Variants in PCDHGB2 observed in about 807,000 individuals in gnomAD.
PCDHGB2 encodes the protein protocadherin gamma-B2.
In PCDHGB2, 55 loss-of-function variants were observed where a neutral mutation model predicts 59.3. That is an observed-to-expected ratio of 0.93 (90% CI 0.75 to 1.16). The LOEUF is 1.16. Among genes scored for constraint, PCDHGB2 ranks in the 50% most tolerant of loss-of-function variants. The pLI is 0.00. For missense variants in PCDHGB2, 1,228 were observed against 1,198.5 expected (o/e 1.02, Z -0.36); for synonymous variants, 516 against 512.0 (o/e 1.01, Z -0.11).
At chr5:141,488,389 A>G (rs1322717951) in intron 1 of PCDHGB2, among the ~76,000 whole-genome samples, 1 of 152,224 alleles carries the variant, frequency 6.6e-6, no homozygotes, top group East Asian at 1.9e-4. Context: ...GAATTTGGTG[A>G]AACCATGAAA....
intron 1 of PCDHGB2, among the ~76,000 whole-genome samples, chr5:141,468,273 C>T (rs894110332): frequency 1.4e-5 from 2 of 144,550 alleles, no homozygotes; most frequent in Non-Finnish European, 3.0e-5. Flanking sequence ...TGTGGTGAGC[C>T]GAGACCACGC....
intron 1 of PCDHGB2, chr5:141,413,353 C>A (rs2095629361): frequency 6.2e-7 from 1 of 1,613,962 alleles, no homozygotes; most frequent in East Asian, 2.2e-5. Context: ...GGGTCTGGCG[C>A]CCCGGGAGCT....
Position 141,422,740 on chromosome 5 carries a change from T to C in PCDHGB2, c.2421+60184T>C, listed in dbSNP as rs536737009. The C allele has an allele frequency of 2.7e-5, 43 of 1,609,962 alleles. 1 individual carries two copies. In the South Asian group the frequency reaches 4.8e-4, roughly 18 times the overall value. On this transcript the variant is annotated intron_variant, in intron 1 of 3. Transcript: ENST00000522605. ...TGTCCAGGGGGTGCCTCTGTCCTCC[T>C]ATGTCTCTATTAACTCCAACACTGG... is the stretch of plus-strand genomic sequence containing the variant.
intron 2 of PCDHGB2, among the ~76,000 whole-genome samples, chr5:141,498,789 C>T (rs1302940884): frequency 6.6e-6 from 1 of 151,980 alleles, no homozygotes; most frequent in Non-Finnish European, 1.5e-5. Context: ...AAATATTAGC[C>T]AGGTGTGGTG....
In PCDHGB2 at chr5:141,495,640, G is replaced by A. The variant is rs149177775; in HGVS notation, c.2480+775G>A. 1.2e-3 allele frequency among the ~76,000 whole-genome samples: 177 copies of A among 152,150 alleles called. 1 individual carries two copies. The highest frequency in any genetic ancestry group is 4.1e-3 in the African/African-American group (171 of 41,498). ...ACCTCAGCCTCAGTCCCTTTCATTT[G>A]TCTACTTGCATTGATCTGTGCCGCC... On this transcript the variant is annotated intron_variant, in intron 2 of 3. Transcript: ENST00000522605.
intron 1 of PCDHGB2, among the ~76,000 whole-genome samples, chr5:141,470,152 T>C (rs546219809): frequency 2.6e-5 from 4 of 152,308 alleles, no homozygotes; most frequent in African/African-American, 9.6e-5. Context: ...ATAGATCATC[T>C]TATCAAATCA....
At chr5:141,472,668 C>T (rs2099292239) in intron 1 of PCDHGB2, among the ~76,000 whole-genome samples, 1 of 151,742 alleles carries the variant, frequency 6.6e-6, no homozygotes, top group African/African-American at 2.4e-5. Context: ...ATCCTGTATA[C>T]TGGTCCTTCC....
At chr5:141,502,621 A>G (rs918589202) in intron 2 of PCDHGB2, among the ~76,000 whole-genome samples, 3 of 152,162 alleles carry the variant, frequency 2.0e-5, no homozygotes, top group African/African-American at 7.2e-5. Context: ...AAATATAAGT[A>G]ATCTGTGGAT....
In PCDHGB2 at chr5:141,376,000, G is replaced by A. The variant is rs771269314; in HGVS notation, c.2421+13444G>A. The A allele has an allele frequency of 1.4e-5, 22 of 1,613,334 alleles. No individual in the cohort carries two copies. In the Admixed American group the frequency reaches 3.3e-4, roughly 24 times the overall value. On this transcript the variant is annotated intron_variant, in intron 1 of 3. Transcript: ENST00000522605. Reference sequence around the variant, plus strand: ...CCCTGCTGGACAGAGACGCGCTCAAGCAGAGCCTAGTGGTGGCCGTCCAGG... The same window carrying A: ...CCCTGCTGGACAGAGACGCGCTCAAACAGAGCCTAGTGGTGGCCGTCCAGG...
intron 1 of PCDHGB2, among the ~76,000 whole-genome samples, chr5:141,449,762 G>T (rs909809198): frequency 6.6e-6 from 1 of 151,458 alleles, no homozygotes; most frequent in Non-Finnish European, 1.5e-5. Context: ...ACATTTGAGA[G>T]TAAGTTGTAG....
rs1262043820 is a variant in PCDHGB2, at chr5:141,415,755, T to TTG, written c.2421+53200_2421+53201insGT. Reference sequence around the variant, plus strand: ...GTTTATTAAGGTTTTTTTTTTTTTTTTTTTTTTTTTTTTTTTTACTTTCTG... The same window carrying TTG: ...GTTTATTAAGGTTTTTTTTTTTTTTTTGTTTTTTTTTTTTTTTTTACTTTCTG... On this transcript the variant is annotated intron_variant, in intron 1 of 3. Transcript: ENST00000522605. 56 of 1,387,630 alleles carry TTG rather than the reference T, an allele frequency of 4.0e-5. No individual in the cohort carries two copies. The African/African-American group carries it at 7.5e-4, about 19-fold the overall frequency. The allele number at this position is 1,387,630 out of a possible 1,614,324, so 86.0% of individuals were successfully genotyped here. A position where few individuals can be genotyped will look rare whatever the true frequency, so the allele number is the denominator to read the frequency against.
Position 141,423,519 on chromosome 5 carries a change from G to A in PCDHGB2, c.2421+60963G>A, listed in dbSNP as rs758742300. On this transcript the variant is annotated intron_variant, in intron 1 of 3. Coordinates refer to ENST00000522605, the MANE Select transcript of PCDHGB2 (RefSeq NM_018923.3). ...ACGAGGTCTCTCTCATTGCGGACTC[G>A]CAGAAGAGTCACCTGATTTTCCCCC... 8.1e-6 allele frequency: 13 copies of A among 1,613,752 alleles called. 1 individual carries two copies. In the South Asian group the frequency reaches 1.1e-4, roughly 14 times the overall value.
In PCDHGB2 at chr5:141,511,074, C is replaced by G; in HGVS notation, c.2697C>G (p.Ser899Arg). 1.2e-6 allele frequency: 2 copies of G among 1,614,238 alleles called. No homozygotes were observed. The highest frequency in any genetic ancestry group is 1.7e-6 in the Non-Finnish European group (2 of 1,180,040). ...GCCAGAATGTCTACATCCCAGGCAGCAATGCCACACTGACCAACGCAGCTG... is the reference window on the plus strand; with the variant it reads ...GCCAGAATGTCTACATCCCAGGCAGGAATGCCACACTGACCAACGCAGCTG... The part of the protein sequence containing the change: ...DYRQNVYIPG[S>R]NATLTNAAGK... Residue 899 changes from serine (S) to arginine (R), a missense_variant, in exon 4 of 4, where the codon AGC becomes AGG. Around this residue, in one of 3 missense-constraint regions of PCDHGB2, gnomAD observed 433 missense variants for 441.8 expected, o/e 0.98. Coordinates refer to ENST00000522605, the MANE Select transcript of PCDHGB2 (RefSeq NM_018923.3).
intron 1 of PCDHGB2, chr5:141,410,735 T>C: frequency 7.5e-7 from 1 of 1,336,188 alleles, no homozygotes; most frequent in Non-Finnish European, 1.0e-6. Context: ...CATAGCTTTT[T>C]ACAATATTTT....
rs1460389320 is a variant in PCDHGB2 at position 141,490,134 on chromosome 5, C to T, written c.2422-4673C>T. The T allele has an allele frequency of 2.5e-6, 4 of 1,614,114 alleles. No homozygotes were observed. Among genetic ancestry groups the T allele is most frequent in the Admixed American group, 3.3e-5 (2 of 59,998 alleles). ...GGAACCTCTTTGGCCTAGACCCTAG[C>T]AGTGGGGCAATCCATGTGTTGGGTC... On this transcript the variant is annotated intron_variant, in intron 1 of 3. Coordinates refer to ENST00000522605, the MANE Select transcript of PCDHGB2 (RefSeq NM_018923.3). This position sits in a 1 kb window ranked among gnomAD's most constrained non-coding sequence, Gnocchi z 5.4.
Position 141,491,000 on chromosome 5 carries a change from C to T in PCDHGB2, c.2422-3807C>T. 6.2e-7 allele frequency: 1 copy of T among 1,614,142 alleles called. No homozygotes were observed. The highest frequency in any genetic ancestry group is 1.1e-5 in the South Asian group (1 of 91,086). On this transcript the variant is annotated intron_variant, in intron 1 of 3. Transcript: ENST00000522605. The surrounding 1 kb of genome is among the most constrained non-coding windows in gnomAD (Gnocchi z 5.4). ...CTCCCTCGCTCTGCTCCTCCTGGCTCCTTGGTCACCAAGGTGACAGCCGTG... is the reference window on the plus strand; with the variant it reads ...CTCCCTCGCTCTGCTCCTCCTGGCTTCTTGGTCACCAAGGTGACAGCCGTG...
intron 1 of PCDHGB2, among the ~76,000 whole-genome samples, chr5:141,438,591 C>CATACAT (rs1228520343): frequency 1.3e-5 from 1 of 75,562 alleles, no homozygotes; most frequent in Non-Finnish European, 2.7e-5. Flanking sequence ...TACATACATA[C>CATACAT]ATATATATAT....
chr5:141,408,230 C>G (rs1470965375), intron 1 of PCDHGB2: 1 of 1,566,168 alleles, frequency 6.4e-7, no homozygotes, highest in Non-Finnish European at 8.7e-7. Flanking sequence ...GCAGAGGCGC[C>G]GGGCCGGCCC....
chr5:141,393,261 G>A lies in PCDHGB2; in HGVS notation c.2421+30705G>A, dbSNP rs567943150. 16 of 1,613,898 alleles carry A rather than the reference G, an allele frequency of 9.9e-6. 1 individual carries two copies. Among genetic ancestry groups the A allele is most frequent in the South Asian group, 1.1e-5 (1 of 91,090 alleles). ...AATTAACGAAATCGCGGTTCCTGGAGCACGTTATCCACTCCCAGAAGCTGT... is the reference window on the plus strand; with the variant it reads ...AATTAACGAAATCGCGGTTCCTGGAACACGTTATCCACTCCCAGAAGCTGT... On this transcript the variant is annotated intron_variant, in intron 1 of 3. Transcript: ENST00000522605.
Sources: allele counts gnomAD v4.1 joint callset (sites outside exome capture counted in the v4.1 genomes callset), GRCh38; gene constraint gnomAD v4.1.1; regional missense constraint gnomAD v4.1.1; non-coding constraint Gnocchi (gnomAD v3.1); transcripts MANE v1.5; gene names NCBI Gene and HGNC (gene_info 2026-07-23, HGNC 2026-07-21).